The following KHDRBS2 variants were observed in gnomAD, a reference collection of about 807,000 sequenced individuals.
KHDRBS2 encodes the protein KH RNA binding domain containing, signal transduction associated 2.
A neutral mutation model predicts 44.3 loss-of-function variants in KHDRBS2; 26 were observed. The ratio of observed to expected loss-of-function variants is 0.59; its 90% CI spans 0.43 to 0.81. The LOEUF (loss-of-function observed/expected upper bound fraction) is 0.81, where lower values mean the gene tolerates loss of function less well. Ranked by LOEUF, KHDRBS2 falls within the 40% of genes least tolerant of loss-of-function variation. The pLI, the probability that KHDRBS2 is intolerant of heterozygous loss-of-function variation, is 0.00. For synonymous variants in KHDRBS2, 194 were observed against 151.1 expected (o/e 1.28, Z -2.08); for missense variants, 476 against 433.1 (o/e 1.10, Z -0.88).
chr6:61,994,567 T>C (rs1288474709), intron 3 of KHDRBS2, among the ~76,000 whole-genome samples: 8 of 152,198 alleles, frequency 5.3e-5, no homozygotes, highest in Non-Finnish European at 1.0e-4. Context: ...CTCTGTGTTA[T>C]GAGTTTTTGG....
intron 6 of KHDRBS2, among the ~76,000 whole-genome samples, chr6:61,814,331 G>T (rs1036322784): frequency 2.0e-5 from 3 of 152,192 alleles, no homozygotes; most frequent in Non-Finnish European, 2.9e-5. Context: ...ACTATATGTG[G>T]CCGGGAGCGG....
At chr6:61,911,273 A>G (rs1336044879) in intron 4 of KHDRBS2, among the ~76,000 whole-genome samples, 2 of 152,168 alleles carry the variant, frequency 1.3e-5, no homozygotes, top group Non-Finnish European at 2.9e-5. Flanking sequence ...GAGTTTTGCT[A>G]AATAAATCGT....
At chr6:61,669,836 G>T in the KHDRBS2 span, among the ~76,000 whole-genome samples, 1 of 151,000 alleles carries the variant, frequency 6.6e-6, no homozygotes, top group African/African-American at 2.4e-5. Context: ...CATAGTACAT[G>T]ATACAACTTT....
At chr6:62,166,878 A>G (rs1818800402) in intron 2 of KHDRBS2, among the ~76,000 whole-genome samples, 1 of 152,098 alleles carries the variant, frequency 6.6e-6, no homozygotes, top group Non-Finnish European at 1.5e-5. Flanking sequence ...ATGAGTGTAG[A>G]GAAGCTTACT....
intron 3 of KHDRBS2, among the ~76,000 whole-genome samples, chr6:62,041,390 G>C (rs1237213720): frequency 6.6e-6 from 1 of 152,012 alleles, no homozygotes; most frequent in African/African-American, 2.4e-5. Context: ...TAAAATAATA[G>C]ACCATCCTCA....
At chr6:62,032,658 C>T (rs1369514063) in intron 3 of KHDRBS2, among the ~76,000 whole-genome samples, 1 of 151,830 alleles carries the variant, frequency 6.6e-6, no homozygotes, top group African/African-American at 2.4e-5. Flanking sequence ...TATTACAGGG[C>T]TTGGGGTACC....
At chr6:61,644,353 C>T in the KHDRBS2 span, among the ~76,000 whole-genome samples, 1 of 152,044 alleles carries the variant, frequency 6.6e-6, no homozygotes, top group African/African-American at 2.4e-5. Context: ...TATAAAATCC[C>T]TGGAAGACAA....
At chr6:62,144,615 T>C (rs1357970728) in intron 2 of KHDRBS2, among the ~76,000 whole-genome samples, 1 of 151,948 alleles carries the variant, frequency 6.6e-6, no homozygotes, top group Non-Finnish European at 1.5e-5. Context: ...TACCAATCGA[T>C]ATTTACTCTA....
At chr6:61,894,495 C>T (rs1562387541) in intron 6 of KHDRBS2, 140 bp downstream of exon 6, 7 of 673,744 alleles carry the variant, frequency 1.0e-5, no homozygotes, top group Non-Finnish European at 1.5e-5. Flanking sequence ...AAATGCACTG[C>T]TTAAATTCTG....
chr6:61,817,848 G>T (rs1301028987), intron 6 of KHDRBS2, among the ~76,000 whole-genome samples: 1 of 151,912 alleles, frequency 6.6e-6, no homozygotes, highest in African/African-American at 2.4e-5. Context: ...TGGCTCTATT[G>T]AATAAATTGA....
chr6:61,596,980 GGTGAAACAAA>G, the KHDRBS2 span, among the ~76,000 whole-genome samples: 1 of 152,040 alleles, frequency 6.6e-6, no homozygotes, highest in African/African-American at 2.4e-5. Context: ...ATGACTCTTA[GGTGAAACAAA>G]GTAGAAATTT....
chr6:62,202,238 T>TAAAG (rs1827144078), intron 1 of KHDRBS2, among the ~76,000 whole-genome samples: 1 of 152,104 alleles, frequency 6.6e-6, no homozygotes, highest in African/African-American at 2.4e-5. Flanking sequence ...ATGAATTCTT[T>TAAAG]AGAGACTGTG....
intron 6 of KHDRBS2, among the ~76,000 whole-genome samples, chr6:61,806,527 T>C (rs1787195086): frequency 6.6e-6 from 1 of 152,160 alleles, no homozygotes; most frequent in South Asian, 2.1e-4. Context: ...AATGGATGAT[T>C]TGAACACCCA....
At chr6:62,058,881 T>A (rs573893636) in intron 2 of KHDRBS2, among the ~76,000 whole-genome samples, 3 of 151,758 alleles carry the variant, frequency 2.0e-5, no homozygotes, top group South Asian at 4.1e-4. Flanking sequence ...TATCAATATA[T>A]TACCACAAAT....
chr6:61,642,197 T>C, the KHDRBS2 span, among the ~76,000 whole-genome samples: 2 of 152,158 alleles, frequency 1.3e-5, no homozygotes, highest in Non-Finnish European at 2.9e-5. Context: ...AAATTTTTTA[T>C]TTTTTATATT....
chr6:61,618,865 T>A, the KHDRBS2 span, among the ~76,000 whole-genome samples: 1 of 152,196 alleles, frequency 6.6e-6, no homozygotes, highest in South Asian at 2.1e-4. Flanking sequence ...CGATCTTAAT[T>A]GTTTTCCCAT....
intron 2 of KHDRBS2, among the ~76,000 whole-genome samples, chr6:62,144,442 T>G (rs868756447): frequency 6.6e-6 from 1 of 151,634 alleles, no homozygotes; most frequent in Non-Finnish European, 1.5e-5. Flanking sequence ...TAACCTCATG[T>G]TTTTTTTCCT....
chr6:61,773,173 G>A (rs1238950598), intron 6 of KHDRBS2, among the ~76,000 whole-genome samples: 3 of 151,922 alleles, frequency 2.0e-5, no homozygotes, highest in South Asian at 4.1e-4. Context: ...GGATGGCTGG[G>A]TCAAATGGTA....
chr6:62,277,718 T>C (rs1259346090), intron 1 of KHDRBS2, among the ~76,000 whole-genome samples: 1 of 152,188 alleles, frequency 6.6e-6, no homozygotes, highest in Non-Finnish European at 1.5e-5. Context: ...ACTAGTCTGA[T>C]GGAATTAATC....
Sources: gnomAD v4.1 joint callset for allele counts (sites outside exome capture counted in the v4.1 genomes callset) on GRCh38, gnomAD v4.1.1 for gene constraint, MANE v1.5 for transcripts, NCBI Gene and HGNC (gene_info 2026-07-23, HGNC 2026-07-21) for gene names.